PRKCA: variants seen among roughly 807,000 people sequenced by gnomAD.
PRKCA encodes the protein protein kinase C alpha.
In PRKCA, 27 loss-of-function variants were observed where a neutral mutation model predicts 87.0. That is an observed-to-expected ratio of 0.31 (90% CI 0.23 to 0.43). PRKCA has a LOEUF of 0.43. PRKCA is among the 20% of genes least tolerant of loss of function. The pLI is 1.00. For missense variants in PRKCA, 518 were observed against 852.3 expected (o/e 0.61, Z 4.88); for synonymous variants, 329 against 311.1 (o/e 1.06, Z -0.61).
intron 14 of PRKCA, among the ~76,000 whole-genome samples, chr17:66,786,079 C>T (rs539993766): frequency 6.6e-5 from 10 of 152,370 alleles, no homozygotes; most frequent in South Asian, 4.1e-4. Flanking sequence ...CCGCCCGCCT[C>T]GGCCTCCCAA....
chr17:66,441,641 C>G lies in PRKCA; in HGVS notation c.206-54560C>G, dbSNP rs140093221. 2.6e-3 allele frequency among the ~76,000 whole-genome samples: 396 copies of G among 152,298 alleles called. 1 individual carries two copies. Among genetic ancestry groups the G allele is most frequent in the African/African-American group, 9.1e-3 (378 of 41,558 alleles). ...CTGTGCACCTCCTCTGAGTGGAAGT[C>G]AATGCCTGTGATCCCCTTTCTAAAG... On this transcript the variant is annotated intron_variant, in intron 2 of 16. Transcript: ENST00000413366.
chr17:66,741,605 A>T, intron 11 of PRKCA, 54 bp from the exon 12 acceptor site: 2 of 1,562,420 alleles, frequency 1.3e-6, no homozygotes, highest in South Asian at 2.2e-5. Flanking sequence ...AATGTAAAGT[A>T]TACAGGCATC....
intron 3 of PRKCA, among the ~76,000 whole-genome samples, chr17:66,639,944 G>A (rs1010381091): frequency 1.3e-5 from 2 of 152,042 alleles, no homozygotes; most frequent in African/African-American, 4.8e-5. Context: ...GCAGTGAGCC[G>A]AGCTCGTGCC....
At chr17:66,303,121 C>A in intron 1 of PRKCA, 97 bp downstream of exon 1, 2 of 1,481,144 alleles carry the variant, frequency 1.4e-6, no homozygotes, top group Non-Finnish European at 9.1e-7. Context: ...TGGCTCACTC[C>A]GATAACTTGG....
At chr17:66,358,200 G>GGATTT (rs1908178434) in intron 2 of PRKCA, among the ~76,000 whole-genome samples, 1 of 151,922 alleles carries the variant, frequency 6.6e-6, no homozygotes, top group African/African-American at 2.4e-5. Context: ...CGTTGGGATG[G>GGATTT]GATTTGACGC....
intron 2 of PRKCA, among the ~76,000 whole-genome samples, chr17:66,317,509 T>A (rs1364837634): frequency 6.6e-6 from 1 of 152,242 alleles, no homozygotes; most frequent in Non-Finnish European, 1.5e-5. Context: ...ATTGGGAAGC[T>A]GTAATTTGAA....
rs564097454 is a variant in PRKCA at position 66,810,144 on chromosome 17, G to T, written c.*6107G>T. 1 of 152,194 alleles carries T rather than the reference G, an allele frequency of 6.6e-6. No individual in the cohort carries two copies. The highest frequency in any genetic ancestry group is 1.9e-4 in the East Asian group (1 of 5,204). The allele number at this position is 152,194 out of a possible 1,614,324, so 9.4% of individuals were successfully genotyped here. ...CTTTTTTTCTAAAATAAGATAAAAG[G>T]TGGCTTTGCATTTTCTGATTAAACG... On this transcript the variant is annotated 3_prime_UTR_variant, in exon 17 of 17. Coordinates refer to ENST00000413366, the MANE Select transcript of PRKCA (RefSeq NM_002737.3).
chr17:66,777,292 A>G, intron 14 of PRKCA: 2 of 984,970 alleles, frequency 2.0e-6, no homozygotes, highest in East Asian at 1.1e-4. Context: ...CTTTCATTAT[A>G]TTTCCTAAAT....
At chr17:66,571,501 T>C (rs948637692) in intron 3 of PRKCA, among the ~76,000 whole-genome samples, 3 of 152,176 alleles carry the variant, frequency 2.0e-5, no homozygotes, top group African/African-American at 7.2e-5. Context: ...TTCTCCTTCA[T>C]GGAAGAAAAA....
intron 3 of PRKCA, among the ~76,000 whole-genome samples, chr17:66,568,218 G>A (rs1968957878): frequency 6.6e-6 from 1 of 152,192 alleles, no homozygotes. Context: ...GGAGGCTGAA[G>A]CATGAGAATC....
chr17:66,455,319 G>A (rs949538809), intron 2 of PRKCA, among the ~76,000 whole-genome samples: 10 of 152,112 alleles, frequency 6.6e-5, no homozygotes, highest in Admixed American at 2.6e-4. Context: ...AAAAAATAAA[G>A]GGCCTCTTAT....
At chr17:66,641,306 C>G (rs184053053) in intron 3 of PRKCA, 49 bp from the exon 4 acceptor site, 108 of 1,395,812 alleles carry the variant, frequency 7.7e-5, no homozygotes, top group Non-Finnish European at 1.1e-4. Context: ...AATCTAAAAA[C>G]GTGGTCCTTT....
At chr17:66,488,142 C>G (rs185441902) in intron 2 of PRKCA, among the ~76,000 whole-genome samples, 1 of 152,108 alleles carries the variant, frequency 6.6e-6, no homozygotes, top group African/African-American at 2.4e-5. Context: ...TAACTTGCCC[C>G]TTGGTCTTCT....
chr17:66,347,941 C>CTTTTTTT lies in PRKCA; in HGVS notation c.205+41827_205+41833dup, dbSNP rs57292153. Among the ~76,000 whole-genome samples the CTTTTTTT allele has an allele frequency of 1.1e-3, 61 of 56,448 alleles. 9 individuals are homozygous for CTTTTTTT. Among genetic ancestry groups the CTTTTTTT allele is most frequent in the African/African-American group, 3.3e-3 (59 of 17,642 alleles). The allele number at this position is 56,448 out of a possible 152,430, so 37.0% of individuals were successfully genotyped here. On this transcript the variant is annotated intron_variant, in intron 2 of 16. Coordinates refer to ENST00000413366, the MANE Select transcript of PRKCA (RefSeq NM_002737.3). ...AGAATATTTACTCAGAATTCTGAAC[C>CTTTTTTT]TTTTTTTTTTTTTTTTTTTGAGACA...
At chr17:66,303,620 G>C (rs996424871) in intron 1 of PRKCA, among the ~76,000 whole-genome samples, 10 of 152,148 alleles carry the variant, frequency 6.6e-5, no homozygotes, top group Non-Finnish European at 1.0e-4. Flanking sequence ...AGTGAGCAGA[G>C]AGAGAGAGAG....
intron 2 of PRKCA, among the ~76,000 whole-genome samples, chr17:66,470,518 G>A (rs1296449744): frequency 2.6e-5 from 4 of 151,940 alleles, no homozygotes; most frequent in South Asian, 2.1e-4. Context: ...TTGAGTCACC[G>A]CGCCCGGCCC....
chr17:66,408,052 C>T (rs1026866290), intron 2 of PRKCA, among the ~76,000 whole-genome samples: 8 of 152,238 alleles, frequency 5.3e-5, no homozygotes, highest in South Asian at 2.1e-4. Flanking sequence ...TGCTCAATTA[C>T]GTATTATAAA....
At position 66,413,752 on chromosome 17, in the gene PRKCA, G is replaced by A. The variant is rs192270618; in HGVS notation, c.206-82449G>A. 1.6e-4 allele frequency among the ~76,000 whole-genome samples: 24 copies of A among 152,282 alleles called. No individual in the cohort carries two copies. In the East Asian group the frequency reaches 2.3e-3, roughly 15 times the overall value. ...ATCAGGGCTGGGTGTGGTGGTTCAC[G>A]TCAGTAATCCCAGCATTTTGGGAGG... is the stretch of plus-strand genomic sequence containing the variant. On this transcript the variant is annotated intron_variant, in intron 2 of 16. Coordinates refer to ENST00000413366, the MANE Select transcript of PRKCA (RefSeq NM_002737.3).
intron 3 of PRKCA, among the ~76,000 whole-genome samples, chr17:66,511,060 A>C (rs1332493548): frequency 2.0e-5 from 3 of 151,842 alleles, no homozygotes; most frequent in Non-Finnish European, 2.9e-5. Flanking sequence ...TAGGTGAGGC[A>C]TTTTTTTTCG....
Sources: gnomAD v4.1 joint callset for allele counts (sites outside exome capture counted in the v4.1 genomes callset) on GRCh38, gnomAD v4.1.1 for gene constraint, MANE v1.5 for transcripts, NCBI Gene and HGNC (gene_info 2026-07-23, HGNC 2026-07-21) for gene names.